OPN4: variants seen among roughly 807,000 people sequenced by gnomAD.
OPN4 encodes melanopsin.
Under a neutral mutation model 49.5 loss-of-function variants are expected in OPN4, and 43 were observed. The observed-to-expected ratio is 0.87, with a 90% CI of 0.68 to 1.12. The LOEUF is 1.12. Ranked by LOEUF, OPN4 falls within the 50% of genes most tolerant of loss-of-function variation. The pLI is 0.00. For synonymous variants in OPN4, 263 were observed against 258.0 expected (o/e 1.02, Z -0.19); for missense variants, 657 against 643.9 (o/e 1.02, Z -0.22).
rs367828972 is a variant in OPN4, at chr10:86,656,118, G to A, written c.145-37G>A. ...TCAGGACTATTTGAAGGTGACAAGC[G>A]ATAACATGATTCCCTCGTTTCTCTG... On this transcript the variant is annotated intron_variant, in intron 1 of 9. Transcript: ENST00000241891. 3.1e-6 allele frequency: 5 copies of A among 1,613,536 alleles called. No homozygotes were observed. The East Asian group carries it at 6.7e-5, about 22-fold the overall frequency.
intron 6 of OPN4, among the ~76,000 whole-genome samples, chr10:86,660,869 G>A (rs907932826): frequency 6.6e-6 from 1 of 152,254 alleles, no homozygotes; most frequent in African/African-American, 2.4e-5. Flanking sequence ...GCTCACGCCT[G>A]TAATCCCAGC....
intron 4 of OPN4, 84 bp from the exon 5 acceptor site, chr10:86,659,213 C>T (rs1589587756): frequency 1.8e-6 from 2 of 1,113,456 alleles, no homozygotes; most frequent in Admixed American, 4.0e-5. Flanking sequence ...TATGGGGACC[C>T]GAATGCCACA....
At position 86,666,143 on chromosome 10, in the gene OPN4, G is replaced by C. The variant is rs890624911; in HGVS notation, c.*392G>C. On this transcript the variant is annotated 3_prime_UTR_variant, in exon 10 of 10. Coordinates refer to ENST00000241891, the MANE Select transcript of OPN4 (RefSeq NM_033282.4). ...CTGCCCCCAGGCTGGGCCTGTCACT[G>C]GCATAGGAAGGCCAGCCCCGCATCT... 5.7e-5 allele frequency: 13 copies of C among 228,104 alleles called. No homozygotes were observed. The highest frequency in any genetic ancestry group is 1.1e-4 in the Admixed American group (2 of 18,846). 14.1% of individuals were successfully genotyped at this position (228,104 alleles called of 1,614,324 possible).
chr10:86,658,745 G>A (rs1182262903), intron 4 of OPN4, 58 bp downstream of exon 4: 1 of 1,578,872 alleles, frequency 6.3e-7, no homozygotes, highest in Non-Finnish European at 8.6e-7. Flanking sequence ...GCACATTCAA[G>A]GGGAAGTAGG....
At chr10:86,665,199 C>A (rs914692356) in intron 9 of OPN4, among the ~76,000 whole-genome samples, 1 of 151,938 alleles carries the variant, frequency 6.6e-6, no homozygotes, top group Non-Finnish European at 1.5e-5. Context: ...CAGTGGGGGA[C>A]ATAGGAGAAG....
At chr10:86,657,318 G>T in intron 2 of OPN4, 1 of 746,522 alleles carries the variant, frequency 1.3e-6, no homozygotes. Flanking sequence ...GGAGCATCTT[G>T]TCTGGAAAAT....
At chr10:86,663,139 G>A (rs1240638045) in intron 8 of OPN4, among the ~76,000 whole-genome samples, 1 of 152,114 alleles carries the variant, frequency 6.6e-6, no homozygotes, top group African/African-American at 2.4e-5. Flanking sequence ...AGCTCCGTGC[G>A]CCACCGGCTC....
intron 6 of OPN4, among the ~76,000 whole-genome samples, chr10:86,660,378 T>C (rs970226713): frequency 1.3e-5 from 2 of 152,186 alleles, no homozygotes; most frequent in African/African-American, 2.4e-5. Flanking sequence ...TGTGGTTACA[T>C]GACCAGAGGT....
rs1411028963 is a variant in OPN4 at position 86,660,031 on chromosome 10, T to G, written c.937T>G (p.Ser313Ala). Residue 313 changes from serine to alanine, a missense_variant, in exon 6 of 10, where the codon TCC becomes GCC. Coordinates refer to ENST00000241891, the MANE Select transcript of OPN4 (RefSeq NM_033282.4). ...LLFVLSWAPY[S>A]AVALVAFAGY... ...CTTCGTGCTCTCCTGGGCTCCCTAT[T>G]CCGCTGTGGCCCTGGTGGCCTTTGC... 8.7e-6 allele frequency: 14 copies of G among 1,614,178 alleles called. No individual in the cohort carries two copies. The highest frequency in any genetic ancestry group is 1.2e-5 in the Non-Finnish European group (14 of 1,180,014).
rs146550397 is a variant in OPN4 at position 86,663,814 on chromosome 10, C to T, written c.1398+12C>T. 118 of 1,549,208 alleles carry T rather than the reference C, an allele frequency of 7.6e-5. No individual in the cohort carries two copies. The East Asian group carries it at 2.0e-3, about 27-fold the overall frequency. On this transcript the variant is annotated intron_variant, in intron 9 of 9. Coordinates refer to ENST00000241891, the MANE Select transcript of OPN4 (RefSeq NM_033282.4). Reference sequence around the variant, plus strand: ...AGACTCCAGGGAAGGTGACTGGGCCCGGTACCTGCCAATCCACAAAGGGGT... The same window carrying T: ...AGACTCCAGGGAAGGTGACTGGGCCTGGTACCTGCCAATCCACAAAGGGGT...
intron 7 of OPN4, among the ~76,000 whole-genome samples, 162 bp from the exon 8 acceptor site, chr10:86,662,090 C>A (rs908270872): frequency 3.9e-5 from 6 of 152,140 alleles, no homozygotes; most frequent in African/African-American, 1.4e-4. Flanking sequence ...ATCTGTCTTT[C>A]TGTCCTCATC....
chr10:86,657,502 G>A (rs545829369), intron 2 of OPN4, among the ~76,000 whole-genome samples: 6 of 152,252 alleles, frequency 3.9e-5, no homozygotes, highest in South Asian at 4.1e-4. Context: ...CAGGCAGGAC[G>A]TGACACTGGA....
Position 86,654,882 on chromosome 10 carries a change from G to C in OPN4, c.99G>C (p.Gln33His). ...CACCCAGCTGGTGGGACAGCTCCCA[G>C]AGCAGCATCTCCAGCCTGGGCCGGC... The part of the protein sequence containing the change: ...PAPPSWWDSS[Q>H]SSISSLGRLP... The change falls in exon 1 of 10, where the codon CAG becomes CAC. Residue 33 changes from glutamine (Q) to histidine (H), a missense_variant. Gln to His is a conservative substitution (Grantham distance 24). Transcript: ENST00000241891. 6.4e-7 allele frequency: 1 copy of C among 1,562,262 alleles called. No individual in the cohort carries two copies. Among genetic ancestry groups the C allele is most frequent in the Non-Finnish European group, 8.7e-7 (1 of 1,148,452 alleles).
At chr10:86,655,760 A>C (rs913412327) in intron 1 of OPN4, among the ~76,000 whole-genome samples, 1 of 151,994 alleles carries the variant, frequency 6.6e-6, no homozygotes, top group Non-Finnish European at 1.5e-5. Flanking sequence ...GGCCTCAAAA[A>C]CTGTCTTGGG....
rs376526023 is a variant in OPN4 at position 86,665,796 on chromosome 10, C to T, written c.*45C>T. 2.4e-5 allele frequency: 35 copies of T among 1,469,978 alleles called. No homozygotes were observed. Among genetic ancestry groups the T allele is most frequent in the South Asian group, 1.4e-4 (12 of 87,350 alleles). The allele number at this position is 1,469,978 out of a possible 1,614,324, so 91.1% of individuals were successfully genotyped here. ...TTTCTTCTGAGACACATCCAGCCCC[C>T]CCACGTCTCCCTCATATACACAGAC... is the stretch of plus-strand genomic sequence containing the variant. On this transcript the variant is annotated 3_prime_UTR_variant, in exon 10 of 10. Transcript: ENST00000241891.
At position 86,658,013 on chromosome 10, in the gene OPN4, C is replaced by T. The variant is rs199760115; in HGVS notation, c.291-19C>T. On this transcript the variant is annotated intron_variant, in intron 2 of 9. Coordinates refer to ENST00000241891, the MANE Select transcript of OPN4 (RefSeq NM_033282.4). Reference sequence around the variant, plus strand: ...GGAGGTGTCAGGAAGCGCCTCCTAACAGCTTCTGATCCTCCCAGGAGCAGA... The same window carrying T: ...GGAGGTGTCAGGAAGCGCCTCCTAATAGCTTCTGATCCTCCCAGGAGCAGA... 15 of 1,608,838 alleles carry T rather than the reference C, an allele frequency of 9.3e-6. No homozygotes were observed. The highest frequency in any genetic ancestry group is 8.9e-5 in the East Asian group (4 of 44,878).
chr10:86,660,030 T>G lies in OPN4; in HGVS notation c.936T>G (p.Tyr312Ter), dbSNP rs530249298. Residue 312 changes from tyrosine (Y) to a stop codon, truncating the protein, a stop_gained, in exon 6 of 10, where the codon TAT becomes TAG. Coordinates refer to ENST00000241891, the MANE Select transcript of OPN4 (RefSeq NM_033282.4). LOFTEE classifies it high-confidence loss of function. ...ILLFVLSWAP[Y>*]SAVALVAFAG... ...TCTTCGTGCTCTCCTGGGCTCCCTA[T>G]TCCGCTGTGGCCCTGGTGGCCTTTG... 6.2e-7 allele frequency: 1 copy of G among 1,614,188 alleles called. No individual in the cohort carries two copies. The highest frequency in any genetic ancestry group is 1.1e-5 in the South Asian group (1 of 91,082).
intron 2 of OPN4, 86 bp from the exon 3 acceptor site, chr10:86,657,946 C>A (rs1843909050): frequency 7.1e-7 from 1 of 1,413,678 alleles, no homozygotes; most frequent in Non-Finnish European, 9.6e-7. Flanking sequence ...CACGTGTGTG[C>A]ACATGCATAC....
intron 8 of OPN4, 138 bp from the exon 9 acceptor site, chr10:86,663,521 C>A: frequency 1.4e-6 from 1 of 722,732 alleles, no homozygotes; most frequent in Non-Finnish European, 2.1e-6. Flanking sequence ...TGGTGACCGG[C>A]AACGGTGCAA....
Sources: allele counts gnomAD v4.1 joint callset (sites outside exome capture counted in the v4.1 genomes callset), GRCh38; gene constraint gnomAD v4.1.1; transcripts MANE v1.5; gene names NCBI Gene and HGNC (gene_info 2026-07-23, HGNC 2026-07-21).